BDH1: variants seen among roughly 807,000 people sequenced by gnomAD.
BDH1 encodes the protein D-beta-hydroxybutyrate dehydrogenase, mitochondrial.
BDH1 carries 30 observed loss-of-function variants against 33.1 expected under a neutral mutation model. The ratio of observed to expected loss-of-function variants is 0.91; its 90% CI spans 0.68 to 1.23. The LOEUF (loss-of-function observed/expected upper bound fraction) is 1.23. Among genes scored for constraint, BDH1 ranks in the 50% most tolerant of loss-of-function variants. The probability of loss-of-function intolerance (pLI) is 0.00; values close to 1 mark genes in which losing one functional copy is unlikely to be tolerated. For missense variants in BDH1, 443 were observed against 464.4 expected (o/e 0.95, Z 0.42); for synonymous variants, 190 against 183.6 (o/e 1.03, Z -0.28).
chr3:197,552,361 T>A (rs577573876), intron 2 of BDH1, among the ~76,000 whole-genome samples: 1 of 152,320 alleles, frequency 6.6e-6, no homozygotes, highest in African/African-American at 2.4e-5. Context: ...TTCCTCCAGA[T>A]TCTGGTCAAC....
In BDH1 at chr3:197,548,350, C is replaced by T. The variant is rs539270301; in HGVS notation, c.-43-1864G>A. On this transcript the variant is annotated intron_variant, in intron 2 of 7. Transcript: ENST00000392379. ...CATCTCTACCTCCTCCCTCCAAGAC[C>T]CAGGACCAGAGTCTGAGGTCACCAT... Among the ~76,000 whole-genome samples the T allele has an allele frequency of 9.2e-5, 14 of 152,310 alleles. No homozygotes were observed. In the East Asian group the frequency reaches 2.7e-3, roughly 29 times the overall value.
In BDH1 at chr3:197,548,438, C is replaced by T. The variant is rs569247691; in HGVS notation, c.-43-1952G>A. On this transcript the variant is annotated intron_variant, in intron 2 of 7. Coordinates refer to ENST00000392379, the MANE Select transcript of BDH1 (RefSeq NM_203314.3). ...GTCCTTTCCACCCCTTAGCTCAATGCCTGTGGCAGAAAATGCTTTAATATG... is the reference window on the plus strand; with the variant it reads ...GTCCTTTCCACCCCTTAGCTCAATGTCTGTGGCAGAAAATGCTTTAATATG... Among the ~76,000 whole-genome samples, 79 of 152,362 alleles carry T rather than the reference C, an allele frequency of 5.2e-4. 2 individuals carry two copies. The highest frequency in any genetic ancestry group is 6.8e-3 in the Middle Eastern group (2 of 294).
intron 6 of BDH1, chr3:197,515,914 A>ACACGCGCG (rs1289343284): frequency 1.3e-5 from 2 of 150,864 alleles, no homozygotes; most frequent in African/African-American, 4.9e-5. Flanking sequence ...ACACACACAC[A>ACACGCGCG]CGCGCGCGCG....
intron 5 of BDH1, chr3:197,530,849 C>G (rs927420082): frequency 6.6e-6 from 1 of 152,522 alleles, no homozygotes; most frequent in Non-Finnish European, 1.5e-5. Flanking sequence ...TATGCAAACA[C>G]TTGTGTAACA....
chr3:197,514,547 A>G lies in BDH1; in HGVS notation c.410-131T>C. On this transcript the variant is annotated intron_variant, in intron 6 of 7. Coordinates refer to ENST00000392379, the MANE Select transcript of BDH1 (RefSeq NM_203314.3). This position sits in a 1 kb window ranked among gnomAD's most constrained non-coding sequence, Gnocchi z 4.2. ...CAGCCTCTCGCCCAGTGCTCTCAAG[A>G]AACTTTCTAGAGTCACTCAGGAACG... 9.0e-7 allele frequency: 1 copy of G among 1,111,414 alleles called. No homozygotes were observed. The highest frequency in any genetic ancestry group is 1.3e-6 in the Non-Finnish European group (1 of 791,394). The allele number at this position is 1,111,414 out of a possible 1,614,324, so 68.8% of individuals were successfully genotyped here.
chr3:197,566,486 G>A (rs1297711712), intron 1 of BDH1, among the ~76,000 whole-genome samples: 2 of 152,104 alleles, frequency 1.3e-5, no homozygotes, highest in African/African-American at 2.4e-5. Context: ...ATCCATAGCT[G>A]GGCTCAGCTT....
chr3:197,558,179 C>G (rs187849363), upstream of BDH1, among the ~76,000 whole-genome samples: 14 of 152,236 alleles, frequency 9.2e-5, no homozygotes, highest in East Asian at 1.9e-3. Flanking sequence ...GCTGTGACAA[C>G]CAGGTATGAA....
chr3:197,560,775 C>T (rs1009348568), upstream of BDH1, among the ~76,000 whole-genome samples: 1 of 152,214 alleles, frequency 6.6e-6, no homozygotes, highest in Non-Finnish European at 1.5e-5. Context: ...CAGCTTAGGG[C>T]AACCCAGCCT....
At chr3:197,553,274 TAATCCCA>T (rs1716718517) in intron 2 of BDH1, among the ~76,000 whole-genome samples, 1 of 146,546 alleles carries the variant, frequency 6.8e-6, no homozygotes. Flanking sequence ...CTCACGCCTG[TAATCCCA>T]GCACTTTGGG....
At position 197,512,133 on chromosome 3, in the gene BDH1, G is replaced by A; in HGVS notation, c.794C>T (p.Pro265Leu). The A allele has an allele frequency of 6.2e-7, 1 of 1,614,204 alleles. No individual in the cohort carries two copies. Among genetic ancestry groups the A allele is most frequent in the Non-Finnish European group, 8.5e-7 (1 of 1,180,040 alleles). The change falls in exon 8 of 8, where the codon CCT becomes CTT. Residue 265 changes from proline (P) to leucine (L), a missense_variant. By Grantham distance (98) the Pro-to-Leu change is moderately conservative. Coordinates refer to ENST00000392379, the MANE Select transcript of BDH1 (RefSeq NM_203314.3). ...GCCGTAGTCCTTGCGCACGACCTCA[G>A]GCAGCTCCTCCCACATCTTCTTGGC... ...AIAKKMWEEL[P>L]EVVRKDYGKK...
rs1426600965 is a variant in BDH1, at chr3:197,510,032, C to T, written c.*1863G>A. 1 of 152,274 alleles carries T rather than the reference C, an allele frequency of 6.6e-6. No individual in the cohort carries two copies. The highest frequency in any genetic ancestry group is 1.5e-5 in the Non-Finnish European group (1 of 68,110). 9.4% of individuals were successfully genotyped at this position (152,274 alleles called of 1,614,324 possible). ...TTTGAAGACAGCGGGGACAACGGCC[C>T]GGGAGGCAGCTGAATTGCCCATTGT... On this transcript the variant is annotated 3_prime_UTR_variant, in exon 8 of 8. Coordinates refer to ENST00000392379, the MANE Select transcript of BDH1 (RefSeq NM_203314.3).
At position 197,514,304 on chromosome 3, in the gene BDH1, C is replaced by T. The variant is rs1311766923; in HGVS notation, c.522G>A (p.Arg174=). 1 of 1,613,868 alleles carries T rather than the reference C, an allele frequency of 6.2e-7. No individual in the cohort carries two copies. The highest frequency in any genetic ancestry group is 1.3e-5 in the African/African-American group (1 of 74,924). The change falls in exon 7 of 8, where the codon CGG becomes CGA. Residue 174 remains arginine (R), a synonymous_variant. Transcript: ENST00000392379. The surrounding 1 kb of genome is among the most constrained non-coding windows in gnomAD (Gnocchi z 4.2). The part of the protein sequence containing the change: ...VAEVNLWGTV[R]MTKSFLPLIR... ...TGAGGGGGAGAAAGGATTTCGTCAT[C>T]CGCACTGTGCCCCAAAGGTTCACTT...
Position 197,522,194 on chromosome 3 carries a change from G to A in BDH1, c.409+446C>T, listed in dbSNP as rs758598738. 3.3e-5 allele frequency among the ~76,000 whole-genome samples: 5 copies of A among 152,172 alleles called. No individual in the cohort carries two copies. Among genetic ancestry groups the A allele is most frequent in the South Asian group, 2.1e-4 (1 of 4,816 alleles). ...GCCTTAACTGGCCTATTTCCACTGC[G>A]CCCCCATGGCTGGACTGACCCCTCC... On this transcript the variant is annotated intron_variant, in intron 6 of 7. Coordinates refer to ENST00000392379, the MANE Select transcript of BDH1 (RefSeq NM_203314.3). The surrounding 1 kb of genome is among the most constrained non-coding windows in gnomAD (Gnocchi z 4.8).
chr3:197,542,848 G>A (rs985263495), intron 3 of BDH1, among the ~76,000 whole-genome samples: 1 of 152,132 alleles, frequency 6.6e-6, no homozygotes, highest in African/African-American at 2.4e-5. Flanking sequence ...TGAAGGGAGA[G>A]CCCAAAGGGG....
intron 5 of BDH1, among the ~76,000 whole-genome samples, chr3:197,532,070 G>A (rs1002849632): frequency 3.9e-5 from 6 of 152,260 alleles, no homozygotes; most frequent in East Asian, 3.9e-4. Flanking sequence ...TGCTTCACTC[G>A]AATTCTTCAG....
chr3:197,559,850 G>C (rs558473616), upstream of BDH1, among the ~76,000 whole-genome samples: 1 of 152,184 alleles, frequency 6.6e-6, no homozygotes, highest in Non-Finnish European at 1.5e-5. Context: ...ACCTTCTACC[G>C]TTCTGGTTGT....
chr3:197,515,343 G>T, intron 6 of BDH1: 2 of 985,652 alleles, frequency 2.0e-6, no homozygotes, highest in Non-Finnish European at 2.4e-6. Context: ...GTGTCTCCCT[G>T]CTCTAGGTCT....
rs925917663 is a variant in BDH1, at chr3:197,511,770, C to A, written c.*125G>T. On this transcript the variant is annotated 3_prime_UTR_variant, in exon 8 of 8. Transcript: ENST00000392379. ...TCATTCCCTCTAGTTAGTGTTAAAA[C>A]CAGTTATGGGTCTTCCTGGCATGGT... The A allele has an allele frequency of 4.1e-6, 4 of 965,738 alleles. No homozygotes were observed. In the African/African-American group the frequency reaches 6.6e-5, roughly 16 times the overall value. 59.8% of individuals were successfully genotyped at this position (965,738 alleles called of 1,614,324 possible). A position where few individuals can be genotyped will look rare whatever the true frequency, so the allele number is the denominator to read the frequency against.
rs781565864 is a variant in BDH1 at position 197,523,123 on chromosome 3, G to A, written c.268-342C>T. On this transcript the variant is annotated intron_variant, in intron 5 of 7. Coordinates refer to ENST00000392379, the MANE Select transcript of BDH1 (RefSeq NM_203314.3). The surrounding 1 kb of genome is among the most constrained non-coding windows in gnomAD (Gnocchi z 4.5). ...TACAGGACATGTCAGGAATTACCAC[G>A]TGGGGATGGAAACCCAGGGTTGCCA... is the stretch of plus-strand genomic sequence containing the variant. The A allele has an allele frequency of 6.1e-5, 17 of 280,422 alleles. No homozygotes were observed. Among genetic ancestry groups the A allele is most frequent in the African/African-American group, 3.3e-4 (15 of 45,928 alleles). The allele number at this position is 280,422 out of a possible 1,614,324, so 17.4% of individuals were successfully genotyped here. A position where few individuals can be genotyped will look rare whatever the true frequency, so the allele number is the denominator to read the frequency against.
Sources: gnomAD v4.1 joint callset for allele counts (sites outside exome capture counted in the v4.1 genomes callset) on GRCh38, gnomAD v4.1.1 for gene constraint, Gnocchi (gnomAD v3.1) non-coding constraint, MANE v1.5 for transcripts, NCBI Gene and HGNC (gene_info 2026-07-23, HGNC 2026-07-21) for gene names.